MFF: variants seen among roughly 807,000 people sequenced by gnomAD.
MFF encodes the protein mitochondrial fission factor.
A neutral mutation model predicts 36.9 loss-of-function variants in MFF; 12 were observed. The ratio of observed to expected loss-of-function variants is 0.33; its 90% CI spans 0.21 to 0.53. MFF has a LOEUF of 0.53. Ranked by LOEUF, MFF falls within the 20% of genes least tolerant of loss-of-function variation. The pLI is 0.95. For missense variants in MFF, 348 were observed against 366.6 expected (o/e 0.95, Z 0.42); for synonymous variants, 99 against 126.2 (o/e 0.78, Z 1.44).
intron 8 of MFF, 28 bp from the exon 9 acceptor site, chr2:227,356,958 A>G (rs752605082): frequency 3.2e-6 from 5 of 1,570,446 alleles, no homozygotes; most frequent in South Asian, 1.2e-5. Context: ...TCTATATTAT[A>G]TTTTTTGTGT....
chr2:227,349,709 T>A (rs758506579), intron 6 of MFF, among the ~76,000 whole-genome samples: 2 of 152,166 alleles, frequency 1.3e-5, no homozygotes, highest in Non-Finnish European at 2.9e-5. Flanking sequence ...GTGAGAAGTA[T>A]CTGGCATGAC....
chr2:227,332,648 G>C, intron 4 of MFF, 60 bp downstream of exon 4: 15 of 1,324,616 alleles, frequency 1.1e-5, no homozygotes, highest in Non-Finnish European at 1.6e-5. Flanking sequence ...TAAAAGAGAA[G>C]AGCAAAGAGG....
rs2074683202 is a variant in MFF, at chr2:227,332,606, A to G, written c.351+18A>G. 1.9e-6 allele frequency: 3 copies of G among 1,579,040 alleles called. No individual in the cohort carries two copies. The highest frequency in any genetic ancestry group is 1.2e-5 in the South Asian group (1 of 86,890). ...ATGAAGAAGTAAGTAGAACTTTAGT[A>G]TCACCGGAATTTGAAATAATGTAGA... On this transcript the variant is annotated intron_variant, in intron 4 of 8. Coordinates refer to ENST00000304593, the MANE Select transcript of MFF (RefSeq NM_001277062.2).
At chr2:227,345,279 C>A (rs953258388) in intron 5 of MFF, among the ~76,000 whole-genome samples, 35 of 152,186 alleles carry the variant, frequency 2.3e-4, no homozygotes, top group African/African-American at 8.2e-4. Context: ...AATGGGCCAA[C>A]ATCCATTAAG....
In MFF at chr2:227,352,585, G is replaced by A. The variant is rs1255817909; in HGVS notation, c.659+12G>A. Reference sequence around the variant, plus strand: ...CATGACAACGTCAGGTAAATTTTGAGACTTCGTAATTACCAGGGTAAATGC... The same window carrying A: ...CATGACAACGTCAGGTAAATTTTGAAACTTCGTAATTACCAGGGTAAATGC... On this transcript the variant is annotated intron_variant, in intron 7 of 8. Transcript: ENST00000304593. The A allele has an allele frequency of 1.4e-6, 2 of 1,448,636 alleles. No homozygotes were observed. Among genetic ancestry groups the A allele is most frequent in the Admixed American group, 1.8e-5 (1 of 55,448 alleles). 89.7% of individuals were successfully genotyped at this position (1,448,636 alleles called of 1,614,324 possible). A position where few individuals can be genotyped will look rare whatever the true frequency, so the allele number is the denominator to read the frequency against.
intron 5 of MFF, among the ~76,000 whole-genome samples, chr2:227,343,957 T>C (rs528082366): frequency 1.2e-4 from 19 of 152,080 alleles, no homozygotes; most frequent in South Asian, 2.1e-4. Context: ...CCGGCTAACT[T>C]TTGTATTTTT....
intron 4 of MFF, among the ~76,000 whole-genome samples, chr2:227,335,917 C>T (rs1279078473): frequency 6.6e-6 from 1 of 152,190 alleles, no homozygotes; most frequent in Non-Finnish European, 1.5e-5. Flanking sequence ...CTGCTGGGAA[C>T]TAACAAAGCA....
intron 5 of MFF, 23 bp from the exon 6 acceptor site, chr2:227,347,203 A>G (rs1369900973): frequency 8.7e-6 from 14 of 1,600,008 alleles, no homozygotes; most frequent in Non-Finnish European, 1.2e-5. Context: ...TTTTCTCTTC[A>G]TTTGCTGTGC....
intron 1 of MFF, among the ~76,000 whole-genome samples, chr2:227,326,426 C>G (rs896260118): frequency 1.1e-4 from 17 of 152,244 alleles, no homozygotes; most frequent in Admixed American, 1.0e-3. Flanking sequence ...TTTAGTTATA[C>G]TTAGTAGTCT....
At chr2:227,326,707 A>G (rs1559938267) in intron 1 of MFF, among the ~76,000 whole-genome samples, 1 of 152,246 alleles carries the variant, frequency 6.6e-6, no homozygotes, top group South Asian at 2.1e-4. Context: ...TTCTTTGAAA[A>G]AGAACTGAAA....
rs145321987 is a variant in MFF, at chr2:227,355,706, T to C, written c.689T>C (p.Ile230Thr). 84 of 1,611,396 alleles carry C rather than the reference T, an allele frequency of 5.2e-5. No individual in the cohort carries two copies. In the African/African-American group the frequency reaches 8.7e-4, roughly 17 times the overall value. ...GGCATTTCAAATATAGATACAACCA[T>C]TGAAGGAACGTCAGATGACCTGACT... ...RYGISNIDTT[I>T]EGTSDDLTVV... The change falls in exon 8 of 9, where the codon ATT becomes ACT. Residue 230 changes from isoleucine (I) to threonine (T), a missense_variant. Transcript: ENST00000304593.
At chr2:227,354,707 C>A (rs2076172967) in intron 7 of MFF, among the ~76,000 whole-genome samples, 1 of 149,284 alleles carries the variant, frequency 6.7e-6, no homozygotes, top group South Asian at 2.1e-4. Flanking sequence ...AATATGCTTT[C>A]TCTGGATTTT....
intron 1 of MFF, among the ~76,000 whole-genome samples, chr2:227,328,136 G>C (rs1361991050): frequency 1.3e-5 from 2 of 151,812 alleles, no homozygotes; most frequent in East Asian, 3.9e-4. Flanking sequence ...TTTAGGAGAC[G>C]AAGGCCAGAG....
At position 227,357,234 on chromosome 2, in the gene MFF, G is replaced by A. The variant is rs1575015193; in HGVS notation, c.*117G>A. On this transcript the variant is annotated 3_prime_UTR_variant, in exon 9 of 9. Coordinates refer to ENST00000304593, the MANE Select transcript of MFF (RefSeq NM_001277062.2). Reference sequence around the variant, plus strand: ...ATTTTATAGTCCACACCCTGAAAATGTATTTCTTCCAGAAAGTCTGGAGGA... The same window carrying A: ...ATTTTATAGTCCACACCCTGAAAATATATTTCTTCCAGAAAGTCTGGAGGA... 1 of 1,140,412 alleles carries A rather than the reference G, an allele frequency of 8.8e-7. No individual in the cohort carries two copies. The highest frequency in any genetic ancestry group is 2.5e-5 in the East Asian group (1 of 40,474). The allele number at this position is 1,140,412 out of a possible 1,614,324, so 70.6% of individuals were successfully genotyped here. A position where few individuals can be genotyped will look rare whatever the true frequency, so the allele number is the denominator to read the frequency against.
chr2:227,348,111 C>A (rs1341672016), intron 6 of MFF, among the ~76,000 whole-genome samples: 4 of 152,122 alleles, frequency 2.6e-5, no homozygotes, highest in Non-Finnish European at 5.9e-5. Flanking sequence ...AATTTCATTT[C>A]AACTCTGAAC....
intron 2 of MFF, chr2:227,329,410 T>C (rs2074406257): frequency 3.8e-6 from 1 of 266,140 alleles, no homozygotes; most frequent in African/African-American, 2.3e-5. Context: ...ACAGTGACTG[T>C]GCTTACAACT....
intron 1 of MFF, 125 bp downstream of exon 1, chr2:227,325,552 C>T (rs947874550): frequency 1.3e-5 from 2 of 152,336 alleles, no homozygotes; most frequent in African/African-American, 4.8e-5. Context: ...GGTAGTGTCT[C>T]CCTGACCCGA....
At chr2:227,342,619 G>A (rs187906031) in intron 5 of MFF, 125 of 668,312 alleles carry the variant, frequency 1.9e-4, no homozygotes, top group East Asian at 5.4e-4. Flanking sequence ...TAATTACTTC[G>A]AAGAGGCAAT....
Position 227,330,620 on chromosome 2 carries a change from C to T in MFF, c.-40-6C>T, listed in dbSNP as rs372698962. 1 of 1,419,160 alleles carries T rather than the reference C, an allele frequency of 7.0e-7. No homozygotes were observed. The highest frequency in any genetic ancestry group is 9.4e-7 in the Non-Finnish European group (1 of 1,061,782). The allele number at this position is 1,419,160 out of a possible 1,614,324, so 87.9% of individuals were successfully genotyped here. A position where few individuals can be genotyped will look rare whatever the true frequency, so the allele number is the denominator to read the frequency against. Reference sequence around the variant, plus strand: ...TCAGCCCTGTCTTTAAATTTTTCTCCCACAGGGTGAGCAGGGCAGCATTTC... The same window carrying T: ...TCAGCCCTGTCTTTAAATTTTTCTCTCACAGGGTGAGCAGGGCAGCATTTC... On this transcript the variant is annotated splice_polypyrimidine_tract_variant and splice_region_variant and intron_variant, in intron 2 of 8. Transcript: ENST00000304593.
Sources: gnomAD v4.1 joint callset for allele counts (sites outside exome capture counted in the v4.1 genomes callset) on GRCh38, gnomAD v4.1.1 for gene constraint, MANE v1.5 for transcripts, NCBI Gene and HGNC (gene_info 2026-07-23, HGNC 2026-07-21) for gene names.